CLIC5: variants seen among roughly 807,000 people sequenced by gnomAD.
CLIC5 encodes the protein chloride intracellular channel protein 5.
In CLIC5, 20 loss-of-function variants were observed where a neutral mutation model predicts 24.7. The observed-to-expected ratio is 0.81, with a 90% CI of 0.57 to 1.18. The LOEUF is 1.18. CLIC5 is among the 50% of genes most tolerant of loss of function. The probability of loss-of-function intolerance (pLI) is 0.00; values close to 1 mark genes in which losing one functional copy is unlikely to be tolerated. For missense variants in CLIC5, 341 were observed against 326.1 expected, an observed-to-expected ratio of 1.05 and a Z score of -0.35; for synonymous variants, 159 against 135.6, an observed-to-expected ratio of 1.17 and a Z score of -1.20.
At chr6:46,008,941 C>T (rs551302149) in intron 1 of CLIC5, among the ~76,000 whole-genome samples, 1 of 152,242 alleles carries the variant, frequency 6.6e-6, no homozygotes, top group Non-Finnish European at 1.5e-5. Context: ...CCATGGTTTG[C>T]ACCAGTGGTT....
At position 45,902,837 on chromosome 6, in the gene CLIC5, G is replaced by T; in HGVS notation, c.*251C>A. On this transcript the variant is annotated 3_prime_UTR_variant, in exon 6 of 6. Transcript: ENST00000339561. Reference sequence around the variant, plus strand: ...CACTGACTGACCCCAAACATGCTGAGCCCAGATCAGGCTGGCCGGCCGAAA... The same window carrying T: ...CACTGACTGACCCCAAACATGCTGATCCCAGATCAGGCTGGCCGGCCGAAA... 1 of 512,866 alleles carries T rather than the reference G, an allele frequency of 1.9e-6. No homozygotes were observed. The highest frequency in any genetic ancestry group is 3.6e-5 in the East Asian group (1 of 27,800). The allele number at this position is 512,866 out of a possible 1,614,324, so 31.8% of individuals were successfully genotyped here. A position where few individuals can be genotyped will look rare whatever the true frequency, so the allele number is the denominator to read the frequency against.
At chr6:45,999,670 T>A (rs1277665210) in intron 1 of CLIC5, among the ~76,000 whole-genome samples, 2 of 151,988 alleles carry the variant, frequency 1.3e-5, no homozygotes, top group African/African-American at 4.8e-5. Flanking sequence ...ATGAGGAGGA[T>A]GAAGACTTAT....
intron 4 of CLIC5, among the ~76,000 whole-genome samples, chr6:45,916,304 T>G (rs1763030368): frequency 6.6e-6 from 1 of 152,200 alleles, no homozygotes; most frequent in African/African-American, 2.4e-5. Context: ...ATGCAGTATA[T>G]TCCTTAATAA....
intron 4 of CLIC5, among the ~76,000 whole-genome samples, chr6:45,935,776 C>T (rs1393377140): frequency 6.6e-6 from 1 of 152,156 alleles, no homozygotes; most frequent in Non-Finnish European, 1.5e-5. Context: ...AGACTGAGCT[C>T]TCTCTGGTTG....
At chr6:45,940,610 T>C (rs3777577) in intron 4 of CLIC5, among the ~76,000 whole-genome samples, 14,576 of 152,268 alleles carry the variant, frequency 0.096, 1,330 homozygotes, top group East Asian at 0.37. Context: ...ATCAGTCACT[T>C]GTTCATTCAC....
Position 46,010,479 on chromosome 6 carries a change from C to T in CLIC5, c.63+5001G>A, listed in dbSNP as rs151121320. On this transcript the variant is annotated intron_variant, in intron 1 of 5. Coordinates refer to ENST00000339561, the MANE Select transcript of CLIC5 (RefSeq NM_016929.5). ...AAAGTTTCACTCTTCCACCACATCT[C>T]TTGCCACCACTAACATGGGGCCAGC... Among the ~76,000 whole-genome samples the T allele has an allele frequency of 3.7e-4, 56 of 152,350 alleles. 1 individual carries two copies. Among genetic ancestry groups the T allele is most frequent in the Middle Eastern group, 3.4e-3 (1 of 294 alleles).
chr6:46,006,858 C>T (rs1038386016), intron 1 of CLIC5, among the ~76,000 whole-genome samples: 6 of 151,518 alleles, frequency 4.0e-5, no homozygotes, highest in African/African-American at 1.5e-4. Context: ...TTGTATTTTG[C>T]TAGAGACGGC....
intron 1 of CLIC5, among the ~76,000 whole-genome samples, chr6:46,035,383 T>G (rs1767630814): frequency 6.6e-6 from 1 of 152,214 alleles, no homozygotes; most frequent in South Asian, 2.1e-4. Flanking sequence ...TGTTTCAGGG[T>G]GTATTGTTTA....
intron 1 of CLIC5, among the ~76,000 whole-genome samples, chr6:45,997,719 G>C (rs1766202697): frequency 6.6e-6 from 1 of 152,164 alleles, no homozygotes. Context: ...GTTGGCAAAA[G>C]AAAGAACCAA....
intron 5 of CLIC5, chr6:45,912,804 A>G: frequency 8.7e-7 from 1 of 1,148,258 alleles, no homozygotes; most frequent in Non-Finnish European, 1.3e-6. Context: ...TCAAAGAGAC[A>G]TAGATTGGCT....
rs1763148108 is a variant in CLIC5 at position 45,919,108 on chromosome 6, A to G, written c.407-4699T>C. 4 of 985,348 alleles carry G rather than the reference A, an allele frequency of 4.1e-6. No homozygotes were observed. In the African/African-American group the frequency reaches 7.0e-5, roughly 17 times the overall value. 61.0% of individuals were successfully genotyped at this position (985,348 alleles called of 1,614,324 possible). ...AACAACAACAACTTTAATTTCGTCC[A>G]TTTTGGATTATAACCTAGTCTGATG... is the stretch of plus-strand genomic sequence containing the variant. On this transcript the variant is annotated intron_variant, in intron 4 of 5. Transcript: ENST00000339561.
chr6:46,086,306 T>G, the CLIC5 span, among the ~76,000 whole-genome samples: 1 of 152,210 alleles, frequency 6.6e-6, no homozygotes, highest in South Asian at 2.1e-4. Flanking sequence ...GTACCTCAGA[T>G]GGAAATGCAG....
chr6:45,906,724 A>G (rs939858140), intron 5 of CLIC5, among the ~76,000 whole-genome samples: 1 of 151,996 alleles, frequency 6.6e-6, no homozygotes, highest in Admixed American at 6.6e-5. Flanking sequence ...CACCATGCCC[A>G]GCTAATTTTG....
At chr6:46,097,020 T>C in the CLIC5 span, 1 of 152,226 alleles carries the variant, frequency 6.6e-6, no homozygotes, top group Admixed American at 6.5e-5. Context: ...GTCTATGCAT[T>C]TGTGAAAACT....
downstream of CLIC5, among the ~76,000 whole-genome samples, chr6:45,893,744 C>T (rs1762371718): frequency 6.6e-6 from 1 of 152,162 alleles, no homozygotes; most frequent in Non-Finnish European, 1.5e-5. Context: ...AGAGAACTCC[C>T]TACCCCACAA....
chr6:45,966,599 C>T (rs911316120), intron 1 of CLIC5, among the ~76,000 whole-genome samples: 13 of 152,222 alleles, frequency 8.5e-5, no homozygotes, highest in Middle Eastern at 3.4e-3. Flanking sequence ...AGATGTGTGA[C>T]GGGCTGGACC....
At chr6:46,055,473 G>A (rs988561029) in intron 1 of CLIC5, among the ~76,000 whole-genome samples, 2 of 152,162 alleles carry the variant, frequency 1.3e-5, no homozygotes, top group Non-Finnish European at 2.9e-5. Flanking sequence ...CCTGACCTCA[G>A]GTGATCTGCC....
chr6:46,097,723 G>A, the CLIC5 span, among the ~76,000 whole-genome samples: 176 of 152,312 alleles, frequency 1.2e-3, no homozygotes, highest in African/African-American at 4.0e-3. Context: ...TGTCTTGATA[G>A]TTAAGATTTA....
At chr6:45,896,823 C>G (rs1467279936), downstream of CLIC5, among the ~76,000 whole-genome samples, 2 of 152,164 alleles carry the variant, frequency 1.3e-5, no homozygotes, top group African/African-American at 4.8e-5. Context: ...AGCTCTTGGT[C>G]AGCCTGGAGA....
Sources: allele counts gnomAD v4.1 joint callset (sites outside exome capture counted in the v4.1 genomes callset), GRCh38; gene constraint gnomAD v4.1.1; transcripts MANE v1.5; gene names NCBI Gene and HGNC (gene_info 2026-07-23, HGNC 2026-07-21).